Variants in DNMBP observed in about 807,000 individuals in gnomAD.
The protein encoded by DNMBP is dynamin-binding protein.
A neutral mutation model predicts 150.0 loss-of-function variants in DNMBP; 87 were observed. The ratio of observed to expected loss-of-function variants is 0.58; its 90% CI spans 0.49 to 0.69. DNMBP has a LOEUF of 0.69. DNMBP is among the 30% of genes least tolerant of loss of function. The pLI is 0.00. For synonymous variants in DNMBP, 711 were observed against 750.4 expected (o/e 0.95, Z 0.86); for missense variants, 1,774 against 1,949.0 (o/e 0.91, Z 1.69).
chr10:99,929,582 C>T, intron 4 of DNMBP: 1 of 634,650 alleles, frequency 1.6e-6, no homozygotes, highest in Non-Finnish European at 2.8e-6. Context: ...TATGCTTTAT[C>T]TTAAGAAGGC....
chr10:99,970,973 A>AC (rs2040668225), intron 2 of DNMBP, among the ~76,000 whole-genome samples: 1 of 123,448 alleles, frequency 8.1e-6, no homozygotes, highest in Admixed American at 7.7e-5. Context: ...CTCCGTCTCA[A>AC]AAAAAAAAAA....
Position 99,884,179 on chromosome 10 carries a change from G to A in DNMBP, c.3829C>T (p.Arg1277Trp), listed in dbSNP as rs745738512. 1.5e-5 allele frequency: 24 copies of A among 1,613,574 alleles called. No homozygotes were observed. Among genetic ancestry groups the A allele is most frequent in the East Asian group, 2.2e-5 (1 of 44,894 alleles). ...PSYMLQSEEL[R>W]ASLLARYPPE... is the part of the protein sequence containing the mutation. ...GGATACCTGGCCAGGAGGGAGGCCC[G>A]GAGTTCTTCTGACTGTAGCATGTAA... Residue 1277 changes from arginine to tryptophan, a missense_variant, in exon 15 of 17, where the codon CGG (arginine) becomes TGG (tryptophan). This residue lies in a region of DNMBP where 1,430 missense variants were observed against 1,492.5 expected (regional missense o/e 0.96). Coordinates refer to ENST00000324109, the MANE Select transcript of DNMBP (RefSeq NM_015221.4).
intron 11 of DNMBP, among the ~76,000 whole-genome samples, chr10:99,890,564 G>C (rs2039540435): frequency 6.6e-6 from 1 of 152,212 alleles, no homozygotes; most frequent in South Asian, 2.1e-4. Flanking sequence ...ATGGCCAACA[G>C]AGGGATATCA....
At chr10:99,906,315 T>C (rs1209693394) in intron 6 of DNMBP, among the ~76,000 whole-genome samples, 3 of 151,914 alleles carry the variant, frequency 2.0e-5, no homozygotes, top group Non-Finnish European at 4.4e-5. Context: ...CTGGAAAAGG[T>C]TTGCAAACTC....
intron 4 of DNMBP, among the ~76,000 whole-genome samples, chr10:99,938,923 A>C (rs866997563): frequency 6.6e-6 from 1 of 152,122 alleles, no homozygotes; most frequent in Non-Finnish European, 1.5e-5. Flanking sequence ...TCTTTTCAGC[A>C]GTCCTGAAGC....
At chr10:99,935,923 T>A (rs2040225565) in intron 4 of DNMBP, among the ~76,000 whole-genome samples, 1 of 152,184 alleles carries the variant, frequency 6.6e-6, no homozygotes, top group Admixed American at 6.5e-5. Context: ...TAACCCGGTT[T>A]TCCAATGTGC....
intron 4 of DNMBP, among the ~76,000 whole-genome samples, chr10:99,927,743 C>A (rs931648139): frequency 2.6e-5 from 4 of 152,100 alleles, no homozygotes; most frequent in African/African-American, 9.7e-5. Flanking sequence ...AAAGTTAAGT[C>A]CTCAAAGATA....
intron 1 of DNMBP, among the ~76,000 whole-genome samples, chr10:99,981,703 C>T (rs189751463): frequency 1.3e-5 from 2 of 152,276 alleles, no homozygotes; most frequent in East Asian, 1.9e-4. Flanking sequence ...CCTGTGTTCC[C>T]GGAGGCTGGC....
chr10:99,886,279 C>CT (rs2039461199), intron 13 of DNMBP, 21 bp downstream of exon 13: 1 of 1,593,320 alleles, frequency 6.3e-7, no homozygotes, highest in Admixed American at 1.7e-5. Context: ...GACCATCCCA[C>CT]TGAACAGGTA....
intron 6 of DNMBP, among the ~76,000 whole-genome samples, chr10:99,902,303 CTTTTTT>C (rs34120125): frequency 3.6e-5 from 3 of 82,788 alleles, no homozygotes; most frequent in African/African-American, 8.5e-5. Context: ...AGCCTCCCTT[CTTTTTT>C]TTTTTTTTTT....
At chr10:99,946,237 C>T (rs1424483803) in intron 4 of DNMBP, among the ~76,000 whole-genome samples, 1 of 152,246 alleles carries the variant, frequency 6.6e-6, no homozygotes, top group East Asian at 1.9e-4. Flanking sequence ...GGATTACAGG[C>T]ATGAGCCACT....
At chr10:99,912,496 C>G (rs2039913172) in intron 4 of DNMBP, among the ~76,000 whole-genome samples, 1 of 152,148 alleles carries the variant, frequency 6.6e-6, no homozygotes, top group Non-Finnish European at 1.5e-5. Context: ...CCCCCACCCC[C>G]CGAAAATGGG....
rs372236199 is a variant in DNMBP, at chr10:99,888,362, C to G, written c.3285+463G>C. ...AGTACCTGGGATTACAGGTGCCCAC[C>G]ACCATGCCCTGCTAATTTTTGTATT... On this transcript the variant is annotated intron_variant, in intron 12 of 16. Coordinates refer to ENST00000324109, the MANE Select transcript of DNMBP (RefSeq NM_015221.4). Among the ~76,000 whole-genome samples, 213 of 152,198 alleles carry G rather than the reference C, an allele frequency of 1.4e-3. 5 individuals carry two copies. In the South Asian group the frequency reaches 0.044, roughly 31 times the overall value.
At chr10:99,877,430 CCCACATGT>C in intron 16 of DNMBP, 94 bp from the exon 17 acceptor site, 1 of 945,250 alleles carries the variant, frequency 1.1e-6, no homozygotes, top group Admixed American at 2.6e-5. Flanking sequence ...CATCCACATG[CCCACATGT>C]GGCTACTGAG....
intron 4 of DNMBP, among the ~76,000 whole-genome samples, chr10:99,954,329 C>G (rs1306797898): frequency 2.0e-5 from 3 of 152,068 alleles, no homozygotes; most frequent in African/African-American, 7.2e-5. Flanking sequence ...TGAGCCACCG[C>G]ACCCGGCAAG....
chr10:99,973,291 A>T (rs61873790), intron 1 of DNMBP, among the ~76,000 whole-genome samples: 6,238 of 152,196 alleles, frequency 0.041, 128 homozygotes, highest in South Asian at 0.087. Flanking sequence ...GAATTCAGGA[A>T]CAAAACAAAA....
At chr10:99,886,022 C>G (rs540023162) in intron 13 of DNMBP, among the ~76,000 whole-genome samples, 156 bp from the exon 14 acceptor site, 2 of 152,150 alleles carry the variant, frequency 1.3e-5, no homozygotes, top group African/African-American at 4.8e-5. Context: ...TCTGAGCTAC[C>G]GACACAGCAG....
rs562309760 is a variant in DNMBP at position 99,884,112 on chromosome 10, G to C, written c.3896C>G (p.Ala1299Gly). 2 of 1,614,130 alleles carry C rather than the reference G, an allele frequency of 1.2e-6. No individual in the cohort carries two copies. The highest frequency in any genetic ancestry group is 2.2e-5 in the East Asian group (1 of 44,888). The change falls in exon 15 of 17, where the codon GCT (alanine) becomes GGT (glycine). Residue 1299 changes from alanine to glycine, a missense_variant. Around this residue, in one of 2 missense-constraint regions of DNMBP, gnomAD observed 1,430 missense variants for 1,492.5 expected, o/e 0.96. Coordinates refer to ENST00000324109, the MANE Select transcript of DNMBP (RefSeq NM_015221.4). The part of the protein sequence containing the change: ...LFQAERNFNA[A>G]QDLDVSLLEG... ...CAAAAGTGAGACATCCAAGTCTTGA[G>C]CAGCATTGAAGTTCCGTTCTGCCTG...
chr10:99,939,273 C>T (rs1374088910), intron 4 of DNMBP, among the ~76,000 whole-genome samples: 1 of 152,198 alleles, frequency 6.6e-6, no homozygotes, highest in African/African-American at 2.4e-5. Flanking sequence ...TTGCTATTTT[C>T]CAGAGAACCT....
Sources: gnomAD v4.1 joint callset for allele counts (sites outside exome capture counted in the v4.1 genomes callset) on GRCh38, gnomAD v4.1.1 for gene constraint, gnomAD v4.1.1 regional missense constraint, MANE v1.5 for transcripts, NCBI Gene and HGNC (gene_info 2026-07-23, HGNC 2026-07-21) for gene names.